The following REXO2 variants were observed in gnomAD, a reference collection of about 807,000 sequenced individuals.
REXO2 encodes the protein RNA exonuclease 2, also known as oligoribonuclease, mitochondrial.
REXO2 carries 17 observed loss-of-function variants against 30.9 expected under a neutral mutation model. The observed-to-expected ratio is 0.55, with a 90% CI of 0.38 to 0.82. The LOEUF is 0.82. Among genes scored for constraint, REXO2 ranks in the 40% least tolerant of loss-of-function variants. REXO2 has a pLI of 0.00. For synonymous variants in REXO2, 105 were observed against 99.6 expected, an observed-to-expected ratio of 1.05 and a Z score of -0.32; for missense variants, 253 against 293.2, an observed-to-expected ratio of 0.86 and a Z score of 1.00.
intron 6 of REXO2, 57 bp from the exon 7 acceptor site, chr11:114,449,789 A>G: frequency 6.5e-7 from 1 of 1,542,354 alleles, no homozygotes; most frequent in Non-Finnish European, 8.7e-7. Flanking sequence ...TACTTTTAAA[A>G]TGATTTTCAT....
At chr11:114,443,039 T>C (rs1401549857) in intron 2 of REXO2, among the ~76,000 whole-genome samples, 1 of 152,196 alleles carries the variant, frequency 6.6e-6, no homozygotes, top group African/African-American at 2.4e-5. Context: ...CGTGTTTTTT[T>C]TAAAACAAGT....
Position 114,449,871 on chromosome 11 carries a change from A to G in REXO2, c.610A>G (p.Ile204Val), listed in dbSNP as rs774145725. 6.2e-7 allele frequency: 1 copy of G among 1,610,626 alleles called. No individual in the cohort carries two copies. The highest frequency in any genetic ancestry group is 8.5e-7 in the Non-Finnish European group (1 of 1,178,236). ...GGCACTTGATGACATTAGTGAAAGC[A>G]TCAAAGAGCTTCAGTTTTACCGAAA... ...HRALDDISESIKELQFYRNNI... is the reference protein window; with the variant it reads ...HRALDDISESVKELQFYRNNI... Residue 204 changes from isoleucine (I) to valine (V), a missense_variant, in exon 7 of 7, where the codon ATC becomes GTC. By Grantham distance (29) the Ile-to-Val change is conservative. Coordinates refer to ENST00000265881, the MANE Select transcript of REXO2 (RefSeq NM_015523.4).
chr11:114,444,691 A>G (rs1946501861), intron 4 of REXO2, 39 bp downstream of exon 4: 2 of 1,338,168 alleles, frequency 1.5e-6, no homozygotes, highest in Admixed American at 5.0e-5. Context: ...AGTCTTCCAT[A>G]TGTAGTGGTT....
intron 3 of REXO2, chr11:114,444,165 A>G (rs1421682110): frequency 1.6e-5 from 10 of 631,122 alleles, no homozygotes; most frequent in Non-Finnish European, 2.6e-5. Context: ...TCTGTCGCGA[A>G]CGCATTGTGG....
intron 2 of REXO2, among the ~76,000 whole-genome samples, chr11:114,441,254 C>A (rs1226898170): frequency 1.3e-5 from 2 of 152,184 alleles, no homozygotes; most frequent in Non-Finnish European, 1.5e-5. Flanking sequence ...TTTGGTGACT[C>A]GTGCCAATGT....
intron 6 of REXO2, among the ~76,000 whole-genome samples, chr11:114,448,186 G>T (rs1946521439): frequency 6.6e-6 from 1 of 152,082 alleles, no homozygotes; most frequent in South Asian, 2.1e-4. Context: ...CAGAAGATAT[G>T]GACTTGCAGC....
chr11:114,442,996 A>G (rs1167852479), intron 2 of REXO2, among the ~76,000 whole-genome samples: 1 of 151,838 alleles, frequency 6.6e-6, no homozygotes, highest in Non-Finnish European at 1.5e-5. Flanking sequence ...AAGTTTATGT[A>G]TTGTCTTGAT....
chr11:114,439,853 C>A, intron 1 of REXO2, 178 bp downstream of exon 1: 1 of 681,620 alleles, frequency 1.5e-6, no homozygotes. Context: ...GGGTGTTGGG[C>A]GCCGTGCTGC....
Position 114,439,495 on chromosome 11 carries a change from G to C in REXO2, c.-34G>C. 2 of 1,598,142 alleles carry C rather than the reference G, an allele frequency of 1.3e-6. No homozygotes were observed. Among genetic ancestry groups the C allele is most frequent in the Non-Finnish European group, 1.7e-6 (2 of 1,177,794 alleles). The stretch of plus-strand genomic sequence containing the variant: ...TATTGCGCCTGCGCCAGCGCCGGCT[G>C]CGAGACTGGGGCCGTGGCTGCTGGT... On this transcript the variant is annotated 5_prime_UTR_variant, in exon 1 of 7. Coordinates refer to ENST00000265881, the MANE Select transcript of REXO2 (RefSeq NM_015523.4).
chr11:114,442,012 T>C (rs368760111), intron 2 of REXO2: 79 of 519,708 alleles, frequency 1.5e-4, no homozygotes, highest in African/African-American at 1.4e-3. Flanking sequence ...GTGTTTCCTT[T>C]AGACTGTTGA....
At position 114,439,607 on chromosome 11, in the gene REXO2, C is replaced by T. The variant is rs1398205430; in HGVS notation, c.79C>T (p.Arg27Cys). 1.2e-6 allele frequency: 2 copies of T among 1,605,160 alleles called. No homozygotes were observed. The highest frequency in any genetic ancestry group is 1.3e-5 in the African/African-American group (1 of 74,394). ...SHGRFGARGV[R>C]EGGAAMAAGE... ...CGGACGGTTCGGGGCCCGAGGTGTCCGCGAAGGTGGCGCAGCCATGGCGGC... is the reference window on the plus strand; with the variant it reads ...CGGACGGTTCGGGGCCCGAGGTGTCTGCGAAGGTGGCGCAGCCATGGCGGC... The change falls in exon 1 of 7, where the codon CGC (arginine) becomes TGC (cysteine). Residue 27 changes from arginine (R) to cysteine (C), a missense_variant. Coordinates refer to ENST00000265881, the MANE Select transcript of REXO2 (RefSeq NM_015523.4).
At chr11:114,442,703 A>T (rs1946486877) in intron 2 of REXO2, among the ~76,000 whole-genome samples, 1 of 152,158 alleles carries the variant, frequency 6.6e-6, no homozygotes, top group Non-Finnish European at 1.5e-5. Flanking sequence ...GGGAAGGGGT[A>T]CAGTTTATTA....
Position 114,446,076 on chromosome 11 carries a change from A to G in REXO2, c.519A>G (p.Lys173=). 4.5e-6 allele frequency: 7 copies of G among 1,549,746 alleles called. No homozygotes were observed. Among genetic ancestry groups the G allele is most frequent in the Non-Finnish European group, 6.2e-6 (7 of 1,125,378 alleles). ...HYRIIDVSTV[K]ELCRRWYPEE... ...GAATAATTGATGTGAGCACTGTTAA[A>G]GAACTGTGCAGGTAAGGGCTATATT... Residue 173 remains lysine (K), a synonymous_variant, in exon 5 of 7, where the codon AAA becomes AAG. Transcript: ENST00000265881.
chr11:114,447,882 A>G lies in REXO2; in HGVS notation c.584+3A>G, dbSNP rs769076989. ...CCAAAGAAGGCTGCTTCTCATAGGTAAGTTTGAGTTCTACCAAGCGTTTTC... is the reference window on the plus strand; with the variant it reads ...CCAAAGAAGGCTGCTTCTCATAGGTGAGTTTGAGTTCTACCAAGCGTTTTC... On this transcript the variant is annotated splice_donor_region_variant and intron_variant, in intron 6 of 6. Transcript: ENST00000265881. 2 of 1,613,300 alleles carry G rather than the reference A, an allele frequency of 1.2e-6. No individual in the cohort carries two copies. The highest frequency in any genetic ancestry group is 1.7e-5 in the Admixed American group (1 of 59,926).
chr11:114,447,124 G>C (rs540398225), intron 5 of REXO2, among the ~76,000 whole-genome samples: 1 of 152,088 alleles, frequency 6.6e-6, no homozygotes, highest in African/African-American at 2.4e-5. Context: ...ATTTTTAGTA[G>C]AGACGGGGTT....
chr11:114,439,520 T>A lies in REXO2; in HGVS notation c.-9T>A. The A allele has an allele frequency of 5.6e-6, 9 of 1,604,460 alleles. No individual in the cohort carries two copies. Among genetic ancestry groups the A allele is most frequent in the South Asian group, 1.1e-5 (1 of 90,894 alleles). Reference sequence around the variant, plus strand: ...GCGAGACTGGGGCCGTGGCTGCTGGTCCCGGGTGATGCTAGGCGGCTCCCT... The same window carrying A: ...GCGAGACTGGGGCCGTGGCTGCTGGACCCGGGTGATGCTAGGCGGCTCCCT... On this transcript the variant is annotated 5_prime_UTR_variant, in exon 1 of 7. Transcript: ENST00000265881.
chr11:114,443,656 T>G (rs1435701517), intron 2 of REXO2, among the ~76,000 whole-genome samples, 200 bp from the exon 3 acceptor site: 1 of 152,170 alleles, frequency 6.6e-6, no homozygotes, highest in African/African-American at 2.4e-5. Context: ...GGATTAGAGT[T>G]TTCAGTGGTG....
In REXO2 at chr11:114,444,844, C is replaced by T. The variant is rs1012895538; in HGVS notation, c.421+192C>T. Among the ~76,000 whole-genome samples, 6 of 152,288 alleles carry T rather than the reference C, an allele frequency of 3.9e-5. No individual in the cohort carries two copies. In the East Asian group the frequency reaches 1.2e-3, roughly 29 times the overall value. On this transcript the variant is annotated intron_variant, in intron 4 of 6. Coordinates refer to ENST00000265881, the MANE Select transcript of REXO2 (RefSeq NM_015523.4). The stretch of plus-strand genomic sequence containing the variant: ...GAGTATTGGGAAAATGCCCTGAAAC[C>T]TGACATGAGATCTGGGAAACACAAA...
rs199983925 is a variant in REXO2 at position 114,443,909 on chromosome 11, T to A, written c.285T>A (p.Asp95Glu). Residue 95 changes from aspartate (D) to glutamate (E), a missense_variant, in exon 3 of 7, where the codon GAT becomes GAA. Asp to Glu is a conservative substitution (Grantham distance 45). Coordinates refer to ENST00000265881, the MANE Select transcript of REXO2 (RefSeq NM_015523.4). The part of the protein sequence containing the change: ...QPDELLDSMS[D>E]WCKEHHGKSG... ...ATGAGTTGCTGGACAGCATGTCAGA[T>A]TGGTGTAAGGAGCATCACGGGAAGG... 3 of 1,609,200 alleles carry A rather than the reference T, an allele frequency of 1.9e-6. No homozygotes were observed. The highest frequency in any genetic ancestry group is 2.5e-6 in the Non-Finnish European group (3 of 1,177,750).
Sources: gnomAD v4.1 joint callset for allele counts (sites outside exome capture counted in the v4.1 genomes callset) on GRCh38, gnomAD v4.1.1 for gene constraint, MANE v1.5 for transcripts, NCBI Gene and HGNC (gene_info 2026-07-23, HGNC 2026-07-21) for gene names.